Variants in CSMD1 observed in about 807,000 individuals in gnomAD.
The protein encoded by CSMD1 is CUB and Sushi multiple domains 1.
In CSMD1, 213 loss-of-function variants were observed where a neutral mutation model predicts 417.5. The ratio of observed to expected loss-of-function variants is 0.51; its 90% CI spans 0.46 to 0.57. The LOEUF is 0.57. Ranked by LOEUF, CSMD1 falls within the 20% of genes least tolerant of loss-of-function variation. CSMD1 has a pLI of 0.00. For missense variants in CSMD1, 6,923 were observed against 4,529.7 expected (o/e 1.53, Z -15.17); for synonymous variants, 2,862 against 1,736.8 (o/e 1.65, Z -16.11).
chr8:4,679,486 T>G (rs1369071955), intron 1 of CSMD1, among the ~76,000 whole-genome samples: 1 of 152,220 alleles, frequency 6.6e-6, no homozygotes, highest in Non-Finnish European at 1.5e-5. Context: ...CCTATCACTA[T>G]TCTAGAATTT....
At chr8:3,200,580 T>C (rs1423003874) in intron 32 of CSMD1, among the ~76,000 whole-genome samples, 1 of 150,354 alleles carries the variant, frequency 6.7e-6, no homozygotes, top group Non-Finnish European at 1.5e-5. Flanking sequence ...ATAATAATAA[T>C]AATAAAATAA....
chr8:4,979,828 C>T (rs578127229), intron 1 of CSMD1, among the ~76,000 whole-genome samples: 39 of 152,012 alleles, frequency 2.6e-4, no homozygotes, highest in Non-Finnish European at 4.7e-4. Flanking sequence ...ACTAGGTCAG[C>T]AGATCTAGAT....
At chr8:3,305,616 G>T (rs1481632567) in intron 25 of CSMD1, among the ~76,000 whole-genome samples, 2 of 151,902 alleles carry the variant, frequency 1.3e-5, no homozygotes, top group Non-Finnish European at 2.9e-5. Flanking sequence ...ATCTGCCAAT[G>T]CCATGCCCTT....
chr8:3,602,804 G>C (rs966792221), intron 8 of CSMD1, among the ~76,000 whole-genome samples: 3 of 151,888 alleles, frequency 2.0e-5, no homozygotes, highest in Non-Finnish European at 4.4e-5. Flanking sequence ...AATAGTCCCC[G>C]AGATGGCATA....
At chr8:4,061,074 GT>G (rs1798947197) in intron 3 of CSMD1, among the ~76,000 whole-genome samples, 2 of 142,216 alleles carry the variant, frequency 1.4e-5, no homozygotes, top group South Asian at 4.5e-4. Flanking sequence ...CATTTAATTT[GT>G]TTGTTGTATT....
chr8:4,125,217 T>G (rs1030621623), intron 3 of CSMD1, among the ~76,000 whole-genome samples: 8 of 152,188 alleles, frequency 5.3e-5, no homozygotes, highest in East Asian at 3.9e-4. Flanking sequence ...AAGGTCGAGC[T>G]GGGAACTGCT....
intron 5 of CSMD1, among the ~76,000 whole-genome samples, chr8:3,965,830 G>A (rs960250434): frequency 6.6e-6 from 1 of 152,036 alleles, no homozygotes; most frequent in Non-Finnish European, 1.5e-5. Flanking sequence ...TGTTGGCCAG[G>A]CCGGTCTTGA....
At chr8:4,939,274 C>T (rs1029284779) in intron 1 of CSMD1, among the ~76,000 whole-genome samples, 4 of 152,130 alleles carry the variant, frequency 2.6e-5, no homozygotes, top group African/African-American at 4.8e-5. Flanking sequence ...AATAGAACAA[C>T]CATATGATGC....
chr8:3,297,388 C>A (rs891365518), intron 25 of CSMD1, among the ~76,000 whole-genome samples: 1 of 151,988 alleles, frequency 6.6e-6, no homozygotes, highest in Admixed American at 6.5e-5. Context: ...TGAAGAAGAA[C>A]AAAGCTAGAT....
chr8:4,061,500 G>A (rs1798971494), intron 3 of CSMD1, among the ~76,000 whole-genome samples: 1 of 152,168 alleles, frequency 6.6e-6, no homozygotes, highest in African/African-American at 2.4e-5. Flanking sequence ...AATAAAAACT[G>A]TAAAGTAAGT....
chr8:4,977,687 G>C (rs1810643440), intron 1 of CSMD1, among the ~76,000 whole-genome samples: 1 of 152,194 alleles, frequency 6.6e-6, no homozygotes, highest in Non-Finnish European at 1.5e-5. Flanking sequence ...TGTTAAGTGA[G>C]CGCCTCCTAA....
intron 2 of CSMD1, among the ~76,000 whole-genome samples, chr8:4,420,331 G>A (rs780050101): frequency 1.3e-5 from 2 of 151,732 alleles, no homozygotes; most frequent in African/African-American, 2.4e-5. Context: ...TGTCTTAAAT[G>A]CTCCTCGTTT....
intron 1 of CSMD1, among the ~76,000 whole-genome samples, chr8:4,799,819 A>C (rs1798180013): frequency 6.6e-6 from 1 of 152,132 alleles, no homozygotes; most frequent in African/African-American, 2.4e-5. Flanking sequence ...CAAAGAGATA[A>C]GTATTAGAAT....
rs759569259 is a variant in CSMD1 at position 2,974,561 on chromosome 8, T to C, written c.8630A>G (p.Tyr2877Cys). 40 of 1,613,044 alleles carry C rather than the reference T, an allele frequency of 2.5e-5. No homozygotes were observed. The highest frequency in any genetic ancestry group is 1.7e-5 in the Admixed American group (1 of 59,934). ...GCAGGAGTAGTGCACGACGGCGCCA[T>C]AGGTAAACAGCTCTCCAGTGAGGAC... ...NAVLTGELFTYGAVVHYSCRG... is the reference protein window; with the variant it reads ...NAVLTGELFTCGAVVHYSCRG... The change falls in exon 56 of 70, where the codon TAT (tyrosine) becomes TGT (cysteine). Residue 2877 changes from tyrosine (Y) to cysteine (C), a missense_variant. Physicochemically the swap from Tyr to Cys is radical, Grantham distance 194. Transcript: ENST00000635120.
intron 2 of CSMD1, among the ~76,000 whole-genome samples, chr8:4,456,408 G>A (rs28605621): frequency 0.2 from 30,068 of 152,008 alleles, 3,288 homozygotes; most frequent in East Asian, 0.34. Flanking sequence ...ACAAGATATC[G>A]ACTTCTTAGA....
chr8:4,865,226 A>T (rs1180647553), intron 1 of CSMD1, among the ~76,000 whole-genome samples: 1 of 151,858 alleles, frequency 6.6e-6, no homozygotes, highest in Non-Finnish European at 1.5e-5. Flanking sequence ...TTATTTAAAA[A>T]ATTAAATACT....
Position 2,999,993 on chromosome 8 carries a change from T to C in CSMD1, c.8168A>G (p.Asp2723Gly). The C allele has an allele frequency of 1.2e-6, 2 of 1,609,412 alleles. No homozygotes were observed. The highest frequency in any genetic ancestry group is 1.7e-6 in the Non-Finnish European group (2 of 1,178,998). The change falls in exon 53 of 70, where the codon GAC becomes GGC. Residue 2723 changes from aspartate to glycine, a missense_variant. By Grantham distance (94) the Asp-to-Gly change is moderately conservative. Coordinates refer to ENST00000635120, the MANE Select transcript of CSMD1 (RefSeq NM_033225.6). The stretch of plus-strand genomic sequence containing the variant: ...AGGCGTTTGTCCAGACCACTTGTGG[T>C]CTTGCAGGCATATCCTCACGGAAGT... ...VGTSVRICLQ[D>G]HKWSGQTPVC...
intron 3 of CSMD1, among the ~76,000 whole-genome samples, chr8:4,084,230 G>A (rs1482196083): frequency 6.6e-6 from 1 of 151,338 alleles, no homozygotes; most frequent in African/African-American, 2.4e-5. Flanking sequence ...CTGTAGAGTA[G>A]TAATCCCTTA....
intron 3 of CSMD1, among the ~76,000 whole-genome samples, chr8:4,085,800 A>G (rs1401608973): frequency 6.6e-6 from 1 of 152,182 alleles, no homozygotes; most frequent in Non-Finnish European, 1.5e-5. Flanking sequence ...TATCATAAAG[A>G]CACCATGAAG....
Sources: allele counts gnomAD v4.1 joint callset (sites outside exome capture counted in the v4.1 genomes callset), GRCh38; gene constraint gnomAD v4.1.1; transcripts MANE v1.5; gene names NCBI Gene and HGNC (gene_info 2026-07-23, HGNC 2026-07-21).